Variants in TMEM39A observed in about 807,000 individuals in gnomAD.
The protein encoded by TMEM39A is transmembrane protein 39A, also known as suppressor of SQST-1 aggregates in rpl-43 mutants.
Under a neutral mutation model 51.9 loss-of-function variants are expected in TMEM39A, and 19 were observed. The observed-to-expected ratio is 0.37, with a 90% CI of 0.26 to 0.54. The LOEUF (loss-of-function observed/expected upper bound fraction) is 0.54. TMEM39A is among the 20% of genes least tolerant of loss of function. The pLI, the probability that TMEM39A is intolerant of heterozygous loss-of-function variation, is 0.88. For missense variants in TMEM39A, 433 were observed against 590.5 expected (o/e 0.73, Z 2.76); for synonymous variants, 197 against 220.2 (o/e 0.89, Z 0.93).
At position 119,444,022 on chromosome 3, in the gene TMEM39A, T is replaced by C. The variant is rs545633613; in HGVS notation, c.575+2996A>G. On this transcript the variant is annotated intron_variant, in intron 5 of 8. Transcript: ENST00000319172. Reference sequence around the variant, plus strand: ...GACTCGTTTATTGTGATATTCGCTTTATTGCAGCAGTCTGGAACAGAACTT... The same window carrying C: ...GACTCGTTTATTGTGATATTCGCTTCATTGCAGCAGTCTGGAACAGAACTT... 3.3e-5 allele frequency among the ~76,000 whole-genome samples: 5 copies of C among 152,350 alleles called. No individual in the cohort carries two copies. The East Asian group carries it at 9.6e-4, about 29-fold the overall frequency.
chr3:119,453,832 G>T (rs2081230582), intron 3 of TMEM39A, among the ~76,000 whole-genome samples: 1 of 152,154 alleles, frequency 6.6e-6, no homozygotes, highest in African/African-American at 2.4e-5. Context: ...TGGAGAAGCA[G>T]GGCAAGTAAT....
In TMEM39A at chr3:119,439,757, G is replaced by T. The variant is rs144688719; in HGVS notation, c.576-1654C>A. 1.5e-4 allele frequency among the ~76,000 whole-genome samples: 22 copies of T among 151,220 alleles called. No individual in the cohort carries two copies. In the East Asian group the frequency reaches 4.1e-3, roughly 28 times the overall value. On this transcript the variant is annotated intron_variant, in intron 5 of 8. Transcript: ENST00000319172. The stretch of plus-strand genomic sequence containing the variant: ...GGGAGGACAAGAGTGGGTAGAAGTA[G>T]AAGTATTAATTCTAATTTTTTTTTT...
chr3:119,456,798 G>A (rs1238852448), intron 3 of TMEM39A, among the ~76,000 whole-genome samples: 1 of 152,116 alleles, frequency 6.6e-6, no homozygotes, highest in Admixed American at 6.5e-5. Context: ...TAGAGACAAG[G>A]TCTCACTATG....
rs987449908 is a variant in TMEM39A, at chr3:119,454,781, C to G, written c.337-2251G>C. 2.0e-5 allele frequency among the ~76,000 whole-genome samples: 3 copies of G among 152,008 alleles called. No individual in the cohort carries two copies. The South Asian group carries it at 6.2e-4, about 31-fold the overall frequency. On this transcript the variant is annotated intron_variant, in intron 3 of 8. Transcript: ENST00000319172. ...TCCAGCCTGCTGACAGAGCCAAACTCCGTCTCAAAAAAAAAATCAAAATAT... is the reference window on the plus strand; with the variant it reads ...TCCAGCCTGCTGACAGAGCCAAACTGCGTCTCAAAAAAAAAATCAAAATAT...
rs752305616 is a variant in TMEM39A at position 119,458,176 on chromosome 3, G to A, written c.178C>T (p.Arg60Cys). The A allele has an allele frequency of 2.4e-5, 39 of 1,614,164 alleles. No individual in the cohort carries two copies. Among genetic ancestry groups the A allele is most frequent in the Non-Finnish European group, 3.2e-5 (38 of 1,180,030 alleles). ...ITALITPGPV[R>C]HCQIPDLPVD... ...GGCAAGTCAGGAATTTGGCAATGAC[G>A]AACAGGACCTGGGGTGATTAAGGCT... Residue 60 changes from arginine to cysteine, a missense_variant, in exon 3 of 9, where the codon CGT (arginine) becomes TGT (cysteine). By Grantham distance (180) the Arg-to-Cys change is radical. Coordinates refer to ENST00000319172, the MANE Select transcript of TMEM39A (RefSeq NM_018266.3).
At position 119,435,246 on chromosome 3, in the gene TMEM39A, A is replaced by C. The variant is rs530986683; in HGVS notation, c.1113-364T>G. ...GTCTACTGGTGGAAATGCTAGAGGG[A>C]ACAAACAAGAAGAGAAAGCTGATGG... On this transcript the variant is annotated intron_variant, in intron 7 of 8. Transcript: ENST00000319172. 61 of 985,410 alleles carry C rather than the reference A, an allele frequency of 6.2e-5. No individual in the cohort carries two copies. In the African/African-American group the frequency reaches 1.0e-3, roughly 17 times the overall value. The allele number at this position is 985,410 out of a possible 1,614,324, so 61.0% of individuals were successfully genotyped here.
Position 119,447,153 on chromosome 3 carries a change from G to T in TMEM39A, c.440C>A (p.Ala147Glu), listed in dbSNP as rs376325880. 4 of 1,612,876 alleles carry T rather than the reference G, an allele frequency of 2.5e-6. No individual in the cohort carries two copies. In the African/African-American group the frequency reaches 5.3e-5, roughly 22 times the overall value. The change falls in exon 5 of 9, where the codon GCA becomes GAA. Residue 147 changes from alanine to glutamate, a missense_variant. Physicochemically the swap from Ala to Glu is moderately radical, Grantham distance 107. This residue lies in a region of TMEM39A where 170 missense variants were observed against 239.8 expected (regional missense o/e 0.71). Transcript: ENST00000319172. Reference sequence around the variant, plus strand: ...CAGAACCATGTAGTGAATCATTGATGCTGCACCTGCCTTAGTAGCCTGAAA... The same window carrying T: ...CAGAACCATGTAGTGAATCATTGATTCTGCACCTGCCTTAGTAGCCTGAAA... ...LISEATKAGAASMIHYMVLIS... is the reference protein window; with the variant it reads ...LISEATKAGAESMIHYMVLIS...
chr3:119,457,033 C>T (rs959886329), intron 3 of TMEM39A, among the ~76,000 whole-genome samples: 14 of 150,652 alleles, frequency 9.3e-5, no homozygotes, highest in Admixed American at 6.6e-4. Flanking sequence ...TGCAGCGGCT[C>T]GATTTCGGCT....
chr3:119,459,510 C>T (rs1238949980), intron 2 of TMEM39A, among the ~76,000 whole-genome samples: 9 of 152,156 alleles, frequency 5.9e-5, no homozygotes, highest in African/African-American at 2.2e-4. Context: ...GCAAAGAAAA[C>T]AATAGTTCTT....
chr3:119,462,151 G>A lies in TMEM39A; in HGVS notation c.-74-3C>T. Reference sequence around the variant, plus strand: ...ATGGTTGTCAACCAGTTTCAACTCTGAACGACAACAAAAACATTTAAACAT... The same window carrying A: ...ATGGTTGTCAACCAGTTTCAACTCTAAACGACAACAAAAACATTTAAACAT... On this transcript the variant is annotated splice_polypyrimidine_tract_variant and splice_region_variant and intron_variant, in intron 1 of 8. Coordinates refer to ENST00000319172, the MANE Select transcript of TMEM39A (RefSeq NM_018266.3). 3 of 1,081,512 alleles carry A rather than the reference G, an allele frequency of 2.8e-6. No individual in the cohort carries two copies. Among genetic ancestry groups the A allele is most frequent in the Non-Finnish European group, 4.1e-6 (3 of 724,446 alleles). 67.0% of individuals were successfully genotyped at this position (1,081,512 alleles called of 1,614,324 possible).
intron 5 of TMEM39A, among the ~76,000 whole-genome samples, chr3:119,440,689 G>C (rs756976428): frequency 2.0e-5 from 3 of 152,132 alleles, no homozygotes; most frequent in Admixed American, 6.5e-5. Flanking sequence ...TCATAATCTA[G>C]TATTTTAAAT....
rs141492880 is a variant in TMEM39A, at chr3:119,437,807, T to C, written c.872A>G (p.Asn291Ser). 1.9e-6 allele frequency: 3 copies of C among 1,592,926 alleles called. No individual in the cohort carries two copies. The highest frequency in any genetic ancestry group is 1.3e-5 in the African/African-American group (1 of 74,460). Reference sequence around the variant, plus strand: ...AACATAGTAGGCACTGAAGAGGGAGTTGAAGAGAACCTCCTTGATTCTGTG... The same window carrying C: ...AACATAGTAGGCACTGAAGAGGGAGCTGAAGAGAACCTCCTTGATTCTGTG... ...FNHRIKEVLF[N>S]SLFSAYYVAF... The change falls in exon 6 of 9, where the codon AAC (asparagine) becomes AGC (serine). Residue 291 changes from asparagine to serine, a missense_variant. Physicochemically the swap from Asn to Ser is conservative, Grantham distance 46. Transcript: ENST00000319172.
At chr3:119,449,129 G>A (rs1355029737) in intron 4 of TMEM39A, among the ~76,000 whole-genome samples, 2 of 152,058 alleles carry the variant, frequency 1.3e-5, no homozygotes, top group Non-Finnish European at 2.9e-5. Flanking sequence ...GCAAGATTTC[G>A]CTAGGTGAGG....
intron 3 of TMEM39A, among the ~76,000 whole-genome samples, chr3:119,453,438 A>G (rs1179578461): frequency 6.6e-6 from 1 of 152,208 alleles, no homozygotes; most frequent in Non-Finnish European, 1.5e-5. Context: ...CTTCTGCATC[A>G]CCATAAAATT....
intron 2 of TMEM39A, among the ~76,000 whole-genome samples, chr3:119,458,726 C>T (rs980512551): frequency 7.9e-5 from 12 of 152,072 alleles, no homozygotes; most frequent in Non-Finnish European, 1.5e-4. Context: ...GAAATCTCAT[C>T]CCTACTAAAA....
intron 4 of TMEM39A, among the ~76,000 whole-genome samples, chr3:119,450,826 CAAAAA>C (rs60326718): frequency 5.4e-5 from 3 of 55,900 alleles, no homozygotes; most frequent in African/African-American, 7.3e-5. Context: ...GACTCCATCT[CAAAAA>C]AAAAAAAAAA....
At chr3:119,455,748 G>T (rs2081255705) in intron 3 of TMEM39A, among the ~76,000 whole-genome samples, 1 of 152,200 alleles carries the variant, frequency 6.6e-6, no homozygotes, top group African/African-American at 2.4e-5. Flanking sequence ...ACTATAGTCA[G>T]ATATGTTAGA....
chr3:119,460,296 A>G (rs937790847), intron 2 of TMEM39A, among the ~76,000 whole-genome samples: 1 of 152,128 alleles, frequency 6.6e-6, no homozygotes, highest in African/African-American at 2.4e-5. Flanking sequence ...GCTACAGTGA[A>G]GGCAGAGAAA....
chr3:119,435,524 T>C (rs1001774853), intron 7 of TMEM39A: 3 of 985,032 alleles, frequency 3.0e-6, no homozygotes, highest in Non-Finnish European at 2.4e-6. Flanking sequence ...AGCTTCATTC[T>C]TTCCAGCATA....
Sources: allele counts gnomAD v4.1 joint callset (sites outside exome capture counted in the v4.1 genomes callset), GRCh38; gene constraint gnomAD v4.1.1; regional missense constraint gnomAD v4.1.1; transcripts MANE v1.5; gene names NCBI Gene and HGNC (gene_info 2026-07-23, HGNC 2026-07-21).